The following MAX variants were observed in gnomAD, a reference collection of about 807,000 sequenced individuals.
MAX encodes the protein MYC associated transcriptional regulator X, also known as protein max.
MAX carries 3 observed loss-of-function variants against 22.3 expected under a neutral mutation model. That is an observed-to-expected ratio of 0.13 (90% CI 0.06 to 0.35). The LOEUF (loss-of-function observed/expected upper bound fraction) is 0.35, where lower values mean the gene tolerates loss of function less well. Ranked by LOEUF, MAX falls within the 10% of genes least tolerant of loss-of-function variation. The pLI is 1.00. For missense variants in MAX, 119 were observed against 209.4 expected, an observed-to-expected ratio of 0.57 and a Z score of 2.66; for synonymous variants, 72 against 77.7, an observed-to-expected ratio of 0.93 and a Z score of 0.39.
rs907745794 is a variant in MAX at position 65,016,924 on chromosome 14, T to G, written c.172-10640A>C. On this transcript the variant is annotated intron_variant, in intron 3 of 3. Coordinates refer to the MAX transcript ENST00000341653. Reference sequence around the variant, plus strand: ...TGTCAAAGAAAGGCCCACGTGGTTTTTTTTTTTTTTTTTTTTGAGACAGAG... The same window carrying G: ...TGTCAAAGAAAGGCCCACGTGGTTTGTTTTTTTTTTTTTTTTGAGACAGAG... Among the ~76,000 whole-genome samples the G allele has an allele frequency of 2.1e-5, 3 of 144,880 alleles. No homozygotes were observed. In the Admixed American group the frequency reaches 2.1e-4, roughly 10 times the overall value.
chr14:65,061,053 T>A, intron 3 of MAX: 1 of 1,463,598 alleles, frequency 6.8e-7, no homozygotes, highest in South Asian at 1.4e-5. Flanking sequence ...TTTTGAACCT[T>A]TGGGCTTTGT....
At chr14:65,035,758 T>C (rs1463436469) in intron 3 of MAX, among the ~76,000 whole-genome samples, 1 of 151,994 alleles carries the variant, frequency 6.6e-6, no homozygotes, top group Non-Finnish European at 1.5e-5. Context: ...GGGCTTGAAC[T>C]CCTGGGCTCA....
At chr14:65,039,186 C>A (rs2062286553) in intron 3 of MAX, among the ~76,000 whole-genome samples, 1 of 152,204 alleles carries the variant, frequency 6.6e-6, no homozygotes, top group African/African-American at 2.4e-5. Flanking sequence ...ATTCTCAAAG[C>A]AGTGTCTGTA....
intron 3 of MAX, among the ~76,000 whole-genome samples, chr14:65,039,584 C>G (rs2062296614): frequency 6.6e-6 from 1 of 152,070 alleles, no homozygotes; most frequent in South Asian, 2.1e-4. Context: ...CTTTTTGTTG[C>G]CCCTCTCCCA....
intron 3 of MAX, among the ~76,000 whole-genome samples, chr14:65,085,441 C>A (rs1165786722): frequency 1.3e-5 from 2 of 152,200 alleles, no homozygotes; most frequent in African/African-American, 2.4e-5. Flanking sequence ...TAATCAATCT[C>A]TATCCTTCCG....
chr14:65,061,761 A>G (rs1488215957), intron 3 of MAX: 1 of 164,280 alleles, frequency 6.1e-6, no homozygotes, highest in Non-Finnish European at 1.3e-5. Flanking sequence ...TTTGGGTCCC[A>G]CCAAGATGAG....
At chr14:65,058,641 T>G (rs2062795310) in intron 3 of MAX, among the ~76,000 whole-genome samples, 1 of 152,242 alleles carries the variant, frequency 6.6e-6, no homozygotes, top group Non-Finnish European at 1.5e-5. Flanking sequence ...CTTTTATTCC[T>G]GATTTGCTAG....
At position 65,011,966 on chromosome 14, in the gene MAX, G is replaced by T. The variant is rs1474601159; in HGVS notation, c.172-5682C>A. 6.6e-6 allele frequency among the ~76,000 whole-genome samples: 1 copy of T among 152,236 alleles called. No individual in the cohort carries two copies. Among genetic ancestry groups the T allele is most frequent in the Non-Finnish European group, 1.5e-5 (1 of 68,036 alleles). On this transcript the variant is annotated intron_variant, in intron 3 of 3. Coordinates refer to the MAX transcript ENST00000341653. The surrounding 1 kb of genome is among the most constrained non-coding windows in gnomAD (Gnocchi z 4.0). ...TGCTTATAGGATGGGGAGGCACAAA[G>T]ATATCTGTTCTTAGATGCTGGAGGA...
In MAX at chr14:65,088,028, C is replaced by G. The variant is rs931675842; in HGVS notation, c.171+5680G>C. ...TGCACAAGCTCTCTCTCTTTGCCTG[C>G]TGCCATCCATGTAAGACATGACTTG... On this transcript the variant is annotated intron_variant, in intron 3 of 4. Coordinates refer to ENST00000358664, the MANE Select transcript of MAX (RefSeq NM_002382.5). The surrounding 1 kb of genome is among the most constrained non-coding windows in gnomAD (Gnocchi z 5.2). Among the ~76,000 whole-genome samples the G allele has an allele frequency of 6.6e-6, 1 of 152,214 alleles. No homozygotes were observed. Among genetic ancestry groups the G allele is most frequent in the Admixed American group, 6.5e-5 (1 of 15,268 alleles).
chr14:65,014,825 C>T lies in MAX; in HGVS notation c.172-8541G>A, dbSNP rs530627139. Among the ~76,000 whole-genome samples the T allele has an allele frequency of 1.5e-4, 23 of 152,068 alleles. No individual in the cohort carries two copies. The highest frequency in any genetic ancestry group is 3.3e-4 in the Admixed American group (5 of 15,262). On this transcript the variant is annotated intron_variant, in intron 3 of 3. Coordinates refer to the MAX transcript ENST00000341653. The surrounding 1 kb of genome is among the most constrained non-coding windows in gnomAD (Gnocchi z 5.1). ...CGAGACCCTGTCTCAAAAAAATAAACGGTAGAAACCAAATTTTATTATCAT... is the reference window on the plus strand; with the variant it reads ...CGAGACCCTGTCTCAAAAAAATAAATGGTAGAAACCAAATTTTATTATCAT...
At chr14:65,089,451 G>A (rs1285207541) in intron 3 of MAX, among the ~76,000 whole-genome samples, 2 of 152,128 alleles carry the variant, frequency 1.3e-5, no homozygotes, top group African/African-American at 4.8e-5. Context: ...CACTGAGGGA[G>A]AGACTTAAAA....
At chr14:65,067,003 C>CT (rs1294878841) in intron 3 of MAX, among the ~76,000 whole-genome samples, 7 of 148,532 alleles carry the variant, frequency 4.7e-5, no homozygotes, top group African/African-American at 1.7e-4. Context: ...TAGCCACACT[C>CT]TGTCTCTACA....
chr14:65,009,353 C>CTGGCGCT lies in MAX; in HGVS notation c.172-3070_172-3069insAGCGCCA, dbSNP rs1378801361. Among the ~76,000 whole-genome samples, 1,393 of 152,262 alleles carry CTGGCGCT rather than the reference C, an allele frequency of 9.1e-3. 22 individuals are homozygous for CTGGCGCT. The highest frequency in any genetic ancestry group is 0.031 in the African/African-American group (1,291 of 41,520). On this transcript the variant is annotated intron_variant, in intron 3 of 3. Transcript: ENST00000341653. The surrounding 1 kb of genome is among the most constrained non-coding windows in gnomAD (Gnocchi z 4.2). Reference sequence around the variant, plus strand: ...ATTTCTTAATTTCACTGGCGCTTCACTAACTGCCTTATAATCCTTTTATTC... The same window carrying CTGGCGCT: ...ATTTCTTAATTTCACTGGCGCTTCACTGGCGCTTAACTGCCTTATAATCCTTTTATTC...
Position 65,093,700 on chromosome 14 carries a change from A to G in MAX, c.171+8T>C, listed in dbSNP as rs758177682. 1 of 1,523,196 alleles carries G rather than the reference A, an allele frequency of 6.6e-7. No individual in the cohort carries two copies. Among genetic ancestry groups the G allele is most frequent in the South Asian group, 1.1e-5 (1 of 89,304 alleles). The allele number at this position is 1,523,196 out of a possible 1,614,324, so 94.4% of individuals were successfully genotyped here. ...TGGCCAGCTACTCAGCTTTCTCAGGAAACTCACCTTCTCTCCTTGGAGTGA... is the reference window on the plus strand; with the variant it reads ...TGGCCAGCTACTCAGCTTTCTCAGGGAACTCACCTTCTCTCCTTGGAGTGA... On this transcript the variant is annotated splice_region_variant and intron_variant, in intron 3 of 4. Transcript: ENST00000358664. This position sits in a 1 kb window ranked among gnomAD's most constrained non-coding sequence, Gnocchi z 4.4.
Position 65,044,174 on chromosome 14 carries a change from A to G in MAX, c.172-37890T>C. On this transcript the variant is annotated intron_variant, in intron 3 of 3. Coordinates refer to the MAX transcript ENST00000341653. This position sits in a 1 kb window ranked among gnomAD's most constrained non-coding sequence, Gnocchi z 5.5. ...TGTGGGGAGGGAAGGAAAGAAAACC[A>G]GAGCACCAAAACTAGAGTGCCAAGA... 1 of 1,474,050 alleles carries G rather than the reference A, an allele frequency of 6.8e-7. No individual in the cohort carries two copies. 91.3% of individuals were successfully genotyped at this position (1,474,050 alleles called of 1,614,324 possible). A position where few individuals can be genotyped will look rare whatever the true frequency, so the allele number is the denominator to read the frequency against.
At chr14:65,070,448 G>A (rs1595121037), downstream of MAX, among the ~76,000 whole-genome samples, 1 of 152,306 alleles carries the variant, frequency 6.6e-6, no homozygotes, top group African/African-American at 2.4e-5. The surrounding 1 kb of genome is among the most constrained non-coding windows in gnomAD (Gnocchi z 4.4). Context: ...GCCCCACCCT[G>A]CAAAGGACAG....
intron 3 of MAX, among the ~76,000 whole-genome samples, chr14:65,008,815 A>G (rs2061637542): frequency 6.6e-6 from 1 of 152,206 alleles, no homozygotes; most frequent in South Asian, 2.1e-4. Context: ...ACCCCTCATA[A>G]GAAATTCTAT....
chr14:65,074,637 G>A (rs1342959472), downstream of MAX, among the ~76,000 whole-genome samples: 1 of 152,204 alleles, frequency 6.6e-6, no homozygotes, highest in Admixed American at 6.5e-5. Context: ...GCTGGTGTTG[G>A]GTCCCAGTCT....
At chr14:65,086,090 C>T (rs1566611104) in intron 3 of MAX, among the ~76,000 whole-genome samples, 1 of 152,192 alleles carries the variant, frequency 6.6e-6, no homozygotes. Flanking sequence ...CACAAGTTCT[C>T]TTCGCCTGCT....
Sources: gnomAD v4.1 joint callset for allele counts (sites outside exome capture counted in the v4.1 genomes callset) on GRCh38, gnomAD v4.1.1 for gene constraint, Gnocchi (gnomAD v3.1) non-coding constraint, MANE v1.5 for transcripts, NCBI Gene and HGNC (gene_info 2026-07-23, HGNC 2026-07-21) for gene names.